Variants in RITA1 observed in about 807,000 individuals in gnomAD.
RITA1 encodes RBPJ-interacting and tubulin-associated protein 1.
RITA1 carries 15 observed loss-of-function variants against 8.7 expected under a neutral mutation model. That is an observed-to-expected ratio of 1.72 (90% CI 1.15 to 2.65). The LOEUF is 2.65. RITA1 is among the 30% of genes most tolerant of loss of function. The pLI, the probability that RITA1 is intolerant of heterozygous loss-of-function variation, is 0.00. For synonymous variants in RITA1, 145 were observed against 156.2 expected (o/e 0.93, Z 0.53); for missense variants, 330 against 363.8 (o/e 0.91, Z 0.76).
chr12:113,187,907 G>C (rs1170220542), intron 3 of RITA1, among the ~76,000 whole-genome samples: 1 of 152,208 alleles, frequency 6.6e-6, no homozygotes, highest in Non-Finnish European at 1.5e-5. Flanking sequence ...ATATCAGCCT[G>C]GAGGGAGGTG....
Position 113,191,928 on chromosome 12 carries a change from G to T in RITA1, c.*111G>T, listed in dbSNP as rs1952611783. 6.6e-6 allele frequency: 9 copies of T among 1,366,628 alleles called. No individual in the cohort carries two copies. In the South Asian group the frequency reaches 1.1e-4, roughly 17 times the overall value. 84.7% of individuals were successfully genotyped at this position (1,366,628 alleles called of 1,614,324 possible). On this transcript the variant is annotated 3_prime_UTR_variant, in exon 4 of 4. Coordinates refer to ENST00000548278, the MANE Select transcript of RITA1 (RefSeq NM_032848.3). The surrounding 1 kb of genome is among the most constrained non-coding windows in gnomAD (Gnocchi z 4.0). ...CCCCAGGTATTAAAGAAGCCCCTGTGGGGGCAGACAGACATAGCAGGGGTG... is the reference window on the plus strand; with the variant it reads ...CCCCAGGTATTAAAGAAGCCCCTGTTGGGGCAGACAGACATAGCAGGGGTG...
At chr12:113,190,322 ACT>A (rs1331030569) in intron 3 of RITA1, among the ~76,000 whole-genome samples, 1 of 151,732 alleles carries the variant, frequency 6.6e-6, no homozygotes, top group African/African-American at 2.4e-5. Flanking sequence ...ACAGAGCGAG[ACT>A]CTGTCTCAGA....
chr12:113,185,984 C>G lies in RITA1; in HGVS notation c.-234C>G. Reference sequence around the variant, plus strand: ...GTGGGAAGAAGGTGCGGGGACGGGTCCCTGAGGATCCCGATGCCTACGAGC... The same window carrying G: ...GTGGGAAGAAGGTGCGGGGACGGGTGCCTGAGGATCCCGATGCCTACGAGC... On this transcript the variant is annotated 5_prime_UTR_variant, in exon 1 of 4. Transcript: ENST00000548278. The G allele has an allele frequency of 6.5e-7, 1 of 1,535,834 alleles. No homozygotes were observed. The highest frequency in any genetic ancestry group is 8.7e-7 in the Non-Finnish European group (1 of 1,146,690).
Position 113,185,870 on chromosome 12 carries a change from C to T in RITA1, c.-348C>T. 9 of 1,218,894 alleles carry T rather than the reference C, an allele frequency of 7.4e-6. No homozygotes were observed. The highest frequency in any genetic ancestry group is 1.0e-5 in the Non-Finnish European group (9 of 887,112). 75.5% of individuals were successfully genotyped at this position (1,218,894 alleles called of 1,614,324 possible). ...CGGGACGGCCTAGGCTGCCGGGGGTCCGGGGCCCCAGGCATTCCGGGCTGC... is the reference window on the plus strand; with the variant it reads ...CGGGACGGCCTAGGCTGCCGGGGGTTCGGGGCCCCAGGCATTCCGGGCTGC... On this transcript the variant is annotated 5_prime_UTR_variant, in exon 1 of 4. Coordinates refer to ENST00000548278, the MANE Select transcript of RITA1 (RefSeq NM_032848.3).
At chr12:113,186,646 T>C (rs1952539756) in intron 2 of RITA1, 37 bp from the exon 3 acceptor site, 1 of 1,515,480 alleles carries the variant, frequency 6.6e-7, no homozygotes, top group African/African-American at 1.4e-5. Context: ...TTAGCACTTC[T>C]GTGGCTCAGG....
Position 113,185,990 on chromosome 12 carries a change from G to T in RITA1, c.-228G>T. Reference sequence around the variant, plus strand: ...AGAAGGTGCGGGGACGGGTCCCTGAGGATCCCGATGCCTACGAGCCAAGAT... The same window carrying T: ...AGAAGGTGCGGGGACGGGTCCCTGATGATCCCGATGCCTACGAGCCAAGAT... On this transcript the variant is annotated 5_prime_UTR_variant, in exon 1 of 4. In the 5' UTR this introduces an upstream ATG that the reference lacks. Coordinates refer to ENST00000548278, the MANE Select transcript of RITA1 (RefSeq NM_032848.3). The T allele has an allele frequency of 6.5e-7, 1 of 1,535,936 alleles. No individual in the cohort carries two copies. Among genetic ancestry groups the T allele is most frequent in the Non-Finnish European group, 8.7e-7 (1 of 1,146,736 alleles).
intron 3 of RITA1, among the ~76,000 whole-genome samples, chr12:113,187,587 GTC>G (rs1952552430): frequency 6.6e-6 from 1 of 151,802 alleles, no homozygotes; most frequent in Non-Finnish European, 1.5e-5. Context: ...GTGAAACTGT[GTC>G]TCTATAAAAA....
chr12:113,187,334 C>T, intron 3 of RITA1: 1 of 355,848 alleles, frequency 2.8e-6, no homozygotes, highest in Non-Finnish European at 5.1e-6. Context: ...CCCCAAATGT[C>T]ACAAACTGGG....
rs1379163930 is a variant in RITA1, at chr12:113,191,565, T to C, written c.558T>C (p.Gly186=). The C allele has an allele frequency of 1.2e-6, 2 of 1,613,796 alleles. No homozygotes were observed. Among genetic ancestry groups the C allele is most frequent in the Admixed American group, 1.7e-5 (1 of 59,970 alleles). ...CAGACTCCCAGAAGTTATCTATGGG[T>C]GGGTTACACTCTTCACGCCCCCTGA... ...PAADSQKLSM[G]GLHSSRPLKR... The change falls in exon 4 of 4, where the codon GGT becomes GGC. Residue 186 remains glycine (G), a synonymous_variant. Coordinates refer to ENST00000548278, the MANE Select transcript of RITA1 (RefSeq NM_032848.3). This position sits in a 1 kb window ranked among gnomAD's most constrained non-coding sequence, Gnocchi z 4.0.
rs1442548799 is a variant in RITA1 at position 113,185,808 on chromosome 12, C to T, written c.-410C>T. The T allele has an allele frequency of 1.5e-6, 1 of 654,798 alleles. No homozygotes were observed. The highest frequency in any genetic ancestry group is 2.6e-6 in the Non-Finnish European group (1 of 388,428). The allele number at this position is 654,798 out of a possible 1,614,324, so 40.6% of individuals were successfully genotyped here. On this transcript the variant is annotated 5_prime_UTR_variant, in exon 1 of 4. Coordinates refer to ENST00000548278, the MANE Select transcript of RITA1 (RefSeq NM_032848.3). ...GCGGGCCGTTCACACGTAGCCTGTG[C>T]CGGCTCCTCGGGTGAGTCCGTCCGC...
chr12:113,185,906 G>A lies in RITA1; in HGVS notation c.-312G>A. The A allele has an allele frequency of 6.9e-7, 1 of 1,459,796 alleles. No individual in the cohort carries two copies. Among genetic ancestry groups the A allele is most frequent in the Non-Finnish European group, 9.2e-7 (1 of 1,085,546 alleles). The allele number at this position is 1,459,796 out of a possible 1,614,324, so 90.4% of individuals were successfully genotyped here. A position where few individuals can be genotyped will look rare whatever the true frequency, so the allele number is the denominator to read the frequency against. On this transcript the variant is annotated 5_prime_UTR_variant, in exon 1 of 4. Transcript: ENST00000548278. ...GGCATTCCGGGCTGCAGATTGACGG[G>A]GATCCCGGATGCACCGCGCGCCCCC... is the stretch of plus-strand genomic sequence containing the variant.
chr12:113,188,958 C>G (rs146346104), intron 3 of RITA1, among the ~76,000 whole-genome samples: 2 of 151,174 alleles, frequency 1.3e-5, no homozygotes, highest in Admixed American at 6.6e-5. Context: ...TACAGGTGCA[C>G]GCCACCATGC....
At position 113,191,372 on chromosome 12, in the gene RITA1, C is replaced by T. The variant is rs1952599588; in HGVS notation, c.365C>T (p.Ala122Val). The change falls in exon 4 of 4, where the codon GCC (alanine) becomes GTC (valine). Residue 122 changes from alanine to valine, a missense_variant. By Grantham distance (64) the Ala-to-Val change is moderately conservative (BLOSUM62 0). Transcript: ENST00000548278. This position sits in a 1 kb window ranked among gnomAD's most constrained non-coding sequence, Gnocchi z 4.0. ...ESLFGSRSEG[A>V]SFGAPRMAKG... ...CTGTTTGGCTCCCGATCTGAAGGCG[C>T]CAGCTTCGGGGCCCCGCGGATGGCG... 2 of 1,592,980 alleles carry T rather than the reference C, an allele frequency of 1.3e-6. No individual in the cohort carries two copies. The highest frequency in any genetic ancestry group is 2.3e-5 in the South Asian group (2 of 88,658).
At position 113,187,028 on chromosome 12, in the gene RITA1, A is replaced by C. The variant is rs749049194; in HGVS notation, c.282A>C (p.Pro94=). The part of the protein sequence containing the change: ...PSRGSTPTLT[P]RKKNKYRPIS... ...GGGGCAGCACCCCCACCCTCACACC[A>C]AGGAAGAAGAACAAATACAGGTAAT... The change falls in exon 3 of 4, where the codon CCA becomes CCC. Residue 94 remains proline (P), a synonymous_variant. Transcript: ENST00000548278. 2.5e-6 allele frequency: 4 copies of C among 1,598,088 alleles called. No homozygotes were observed. Among genetic ancestry groups the C allele is most frequent in the Non-Finnish European group, 2.6e-6 (3 of 1,171,840 alleles).
rs758115487 is a variant in RITA1, at chr12:113,191,857, G to A, written c.*40G>A. ...GGTTGCCTATGGGGCCACGGCGACA[G>A]GTATGGCCCCTTGCCAGGGTAGGAG... On this transcript the variant is annotated 3_prime_UTR_variant, in exon 4 of 4. Transcript: ENST00000548278. The surrounding 1 kb of genome is among the most constrained non-coding windows in gnomAD (Gnocchi z 4.0). 7.8e-6 allele frequency: 12 copies of A among 1,542,768 alleles called. No homozygotes were observed. In the African/African-American group the frequency reaches 1.1e-4, roughly 14 times the overall value.
rs924307176 is a variant in RITA1, at chr12:113,192,096, G to T, written c.*279G>T. 2 of 404,754 alleles carry T rather than the reference G, an allele frequency of 4.9e-6. No individual in the cohort carries two copies. The highest frequency in any genetic ancestry group is 8.8e-6 in the Non-Finnish European group (2 of 226,660). The allele number at this position is 404,754 out of a possible 1,614,324, so 25.1% of individuals were successfully genotyped here. On this transcript the variant is annotated 3_prime_UTR_variant, in exon 4 of 4. Coordinates refer to ENST00000548278, the MANE Select transcript of RITA1 (RefSeq NM_032848.3). Reference sequence around the variant, plus strand: ...AAATTAGTGCCAACCCAGGGGCCTGGCACCTCCCACATCATCCATTGTCTT... The same window carrying T: ...AAATTAGTGCCAACCCAGGGGCCTGTCACCTCCCACATCATCCATTGTCTT...
chr12:113,188,998 C>T lies in RITA1; in HGVS notation c.302+1950C>T, dbSNP rs142635217. 2.8e-4 allele frequency among the ~76,000 whole-genome samples: 42 copies of T among 151,206 alleles called. 2 individuals carry two copies. Among genetic ancestry groups the T allele is most frequent in the African/African-American group, 9.5e-4 (39 of 41,218 alleles). On this transcript the variant is annotated intron_variant, in intron 3 of 3. Coordinates refer to ENST00000548278, the MANE Select transcript of RITA1 (RefSeq NM_032848.3). The stretch of plus-strand genomic sequence containing the variant: ...CTAATTTTTGTATTTTTAGTAGAGA[C>T]GGGGTTTCACTGTGTTGGCCAGGCT...
rs1197317042 is a variant in RITA1, at chr12:113,191,475, C to G, written c.468C>G (p.Pro156=). ...CCAGGGGTAGCCACTCGCCCCGCCC[C>G]AGGGAGGCACCACTGCGAGCCATTC... ...PTPRGSHSPR[P]REAPLRAIHP... The change falls in exon 4 of 4, where the codon CCC becomes CCG. Residue 156 remains proline, a synonymous_variant. Coordinates refer to ENST00000548278, the MANE Select transcript of RITA1 (RefSeq NM_032848.3). This position sits in a 1 kb window ranked among gnomAD's most constrained non-coding sequence, Gnocchi z 4.0. The G allele has an allele frequency of 6.2e-7, 1 of 1,604,696 alleles. No individual in the cohort carries two copies.
chr12:113,185,870 C>A lies in RITA1; in HGVS notation c.-348C>A. 8.2e-7 allele frequency: 1 copy of A among 1,218,894 alleles called. No homozygotes were observed. Among genetic ancestry groups the A allele is most frequent in the Non-Finnish European group, 1.1e-6 (1 of 887,112 alleles). 75.5% of individuals were successfully genotyped at this position (1,218,894 alleles called of 1,614,324 possible). On this transcript the variant is annotated 5_prime_UTR_variant, in exon 1 of 4. Transcript: ENST00000548278. ...CGGGACGGCCTAGGCTGCCGGGGGT[C>A]CGGGGCCCCAGGCATTCCGGGCTGC...
Sources: gnomAD v4.1 joint callset for allele counts (sites outside exome capture counted in the v4.1 genomes callset) on GRCh38, gnomAD v4.1.1 for gene constraint, Gnocchi (gnomAD v3.1) non-coding constraint, MANE v1.5 for transcripts, NCBI Gene and HGNC (gene_info 2026-07-23, HGNC 2026-07-21) for gene names.